The following IL32 variants were observed in gnomAD, a reference collection of about 807,000 sequenced individuals.
IL32 encodes interleukin-32.
A neutral mutation model predicts 16.6 loss-of-function variants in IL32; 30 were observed. That is an observed-to-expected ratio of 1.81 (90% CI 1.35 to 2.45). The LOEUF (loss-of-function observed/expected upper bound fraction) is 2.45, where lower values mean the gene tolerates loss of function less well. Among genes scored for constraint, IL32 ranks in the 30% most tolerant of loss-of-function variants. IL32 has a pLI of 0.00. For synonymous variants in IL32, 70 were observed against 86.1 expected, an observed-to-expected ratio of 0.81 and a Z score of 1.03; for missense variants, 234 against 229.8, an observed-to-expected ratio of 1.02 and a Z score of -0.12.
At position 3,068,875 on chromosome 16, in the gene IL32, C is replaced by T. The variant is rs1335212654; in HGVS notation, c.202-115C>T. On this transcript the variant is annotated intron_variant, in intron 6 of 6. Coordinates refer to ENST00000525643, the MANE Select transcript of IL32 (RefSeq NM_001376923.1). ...CACGGGGCTGTGGTTGGGAAACCAA[C>T]ACCTGTGGGCCTCCGTCTCCCAGGG... 7 of 1,520,288 alleles carry T rather than the reference C, an allele frequency of 4.6e-6. No individual in the cohort carries two copies. In the Admixed American group the frequency reaches 6.5e-5, roughly 14 times the overall value. 94.2% of individuals were successfully genotyped at this position (1,520,288 alleles called of 1,614,324 possible). A position where few individuals can be genotyped will look rare whatever the true frequency, so the allele number is the denominator to read the frequency against.
rs774367638 is a variant in IL32 at position 3,068,006 on chromosome 16, T to G, written c.137T>G (p.Leu46Arg). 8.1e-6 allele frequency: 13 copies of G among 1,613,970 alleles called. No individual in the cohort carries two copies. In the Admixed American group the frequency reaches 1.5e-4, roughly 19 times the overall value. ...RGQVMSSLAE[L>R]EDDFKEGYLE... ...CAGGTGATGTCGAGCCTGGCAGAGCTGGAGGTGAGCCGTGGCCTCCCCCTC... is the reference window on the plus strand; with the variant it reads ...CAGGTGATGTCGAGCCTGGCAGAGCGGGAGGTGAGCCGTGGCCTCCCCCTC... Residue 46 changes from leucine (L) to arginine (R), a missense_variant, in exon 5 of 7, where the codon CTG (leucine) becomes CGG (arginine). Transcript: ENST00000525643.
intron 2 of IL32, among the ~76,000 whole-genome samples, chr16:3,066,389 C>A (rs1194685642): frequency 1.3e-5 from 2 of 152,230 alleles, no homozygotes; most frequent in Non-Finnish European, 2.9e-5. Context: ...CTGCTTTCAC[C>A]CTGGTTCCTG....
intron 3 of IL32, 53 bp downstream of exon 3, chr16:3,067,468 G>A (rs1349098419): frequency 1.2e-6 from 2 of 1,613,682 alleles, no homozygotes; most frequent in Middle Eastern, 1.7e-4. Flanking sequence ...GTCTCAGCGT[G>A]TGACACTGAG....
Position 3,068,874 on chromosome 16 carries a change from A to G in IL32, c.202-116A>G. On this transcript the variant is annotated intron_variant, in intron 6 of 6. Transcript: ENST00000525643. ...CCACGGGGCTGTGGTTGGGAAACCA[A>G]CACCTGTGGGCCTCCGTCTCCCAGG... 3 of 1,519,146 alleles carry G rather than the reference A, an allele frequency of 2.0e-6. No individual in the cohort carries two copies. The South Asian group carries it at 3.9e-5, about 20-fold the overall frequency. 94.1% of individuals were successfully genotyped at this position (1,519,146 alleles called of 1,614,324 possible). A position where few individuals can be genotyped will look rare whatever the true frequency, so the allele number is the denominator to read the frequency against.
At chr16:3,066,457 C>T (rs1310368159) in intron 2 of IL32, among the ~76,000 whole-genome samples, 6 of 152,222 alleles carry the variant, frequency 3.9e-5, no homozygotes, top group South Asian at 4.1e-4. Context: ...GACAGCTGCC[C>T]TGCCCAGAAT....
intron 6 of IL32, chr16:3,068,610 C>A: frequency 9.7e-6 from 4 of 410,982 alleles, no homozygotes; most frequent in Admixed American, 7.5e-5. Flanking sequence ...CGGGCCCAGC[C>A]AACCCCTGCC....
intron 2 of IL32, 120 bp from the exon 3 acceptor site, chr16:3,067,257 T>C (rs989512059): frequency 1.7e-6 from 1 of 592,244 alleles, no homozygotes; most frequent in African/African-American, 2.0e-5. Context: ...ATCCTGTACC[T>C]CTGCCATGTG....
In IL32 at chr16:3,068,060, T is replaced by C. The variant is rs780777557; in HGVS notation, c.141+50T>C. 2.5e-6 allele frequency: 4 copies of C among 1,610,748 alleles called. No individual in the cohort carries two copies. The South Asian group carries it at 4.4e-5, about 18-fold the overall frequency. On this transcript the variant is annotated intron_variant, in intron 5 of 6. Transcript: ENST00000525643. ...CAAGCTTAGTCCCTGGGTCTTAGGC[T>C]CCACAGGACACTGGGTCTGGGCCCC...
Position 3,066,261 on chromosome 16 carries a change from C to T in IL32, c.15+435C>T, listed in dbSNP as rs558019977. On this transcript the variant is annotated intron_variant, in intron 2 of 6. Transcript: ENST00000525643. ...ACTGCCCCACCGCAAATGCTAGGCC[C>T]ACCACACCCTCCAGGGAGCTCTTCG... Among the ~76,000 whole-genome samples the T allele has an allele frequency of 8.9e-4, 136 of 152,296 alleles. 2 individuals carry two copies. The South Asian group carries it at 0.026, about 29-fold the overall frequency.
At chr16:3,068,618 G>T (rs1352188994) in intron 6 of IL32, 2 of 414,108 alleles carry the variant, frequency 4.8e-6, no homozygotes, top group African/African-American at 4.1e-5. Context: ...GCCAACCCCT[G>T]CCCTGTCTTG....
chr16:3,065,856 G>C (rs761790625), intron 2 of IL32, 30 bp downstream of exon 2: 14 of 1,613,840 alleles, frequency 8.7e-6, no homozygotes, highest in African/African-American at 1.3e-5. Flanking sequence ...TGCTTTTGTG[G>C]GCATGTCTGA....
chr16:3,068,615 C>G (rs1001669597), intron 6 of IL32: 2 of 413,570 alleles, frequency 4.8e-6, no homozygotes, highest in Admixed American at 7.4e-5. Flanking sequence ...CCAGCCAACC[C>G]CTGCCCTGTC....
rs1956715061 is a variant in IL32 at position 3,068,702 on chromosome 16, C to A, written c.202-288C>A. ...CTGGGAGTGACAGCCTAGCTGGGAC[C>A]TGCCCATGGCCTCACTCCTCACACA... On this transcript the variant is annotated intron_variant, in intron 6 of 6. Transcript: ENST00000525643. The A allele has an allele frequency of 6.2e-6, 3 of 483,660 alleles. No individual in the cohort carries two copies. The South Asian group carries it at 6.4e-5, about 10-fold the overall frequency. 30.0% of individuals were successfully genotyped at this position (483,660 alleles called of 1,614,324 possible).
chr16:3,065,753 TC>T, intron 1 of IL32, 30 bp from the exon 2 acceptor site: 1 of 1,612,232 alleles, frequency 6.2e-7, no homozygotes. Flanking sequence ...TGAGACACTT[TC>T]TTTTCCTCAC....
chr16:3,068,118 G>A (rs1353743502), intron 5 of IL32, 62 bp from the exon 6 acceptor site: 7 of 1,602,324 alleles, frequency 4.4e-6, no homozygotes, highest in Non-Finnish European at 6.0e-6. Context: ...GACCAGTGGG[G>A]GCCACAGTGG....
chr16:3,067,846 G>C (rs555092178), intron 4 of IL32, 138 bp from the exon 5 acceptor site: 5 of 1,029,966 alleles, frequency 4.9e-6, no homozygotes, highest in Non-Finnish European at 4.5e-6. Flanking sequence ...AACAACAGGG[G>C]TGCCAGACGT....
At position 3,067,113 on chromosome 16, in the gene IL32, C is replaced by T. The variant is rs953053240; in HGVS notation, c.16-264C>T. Among the ~76,000 whole-genome samples, 11 of 88,526 alleles carry T rather than the reference C, an allele frequency of 1.2e-4. 3 individuals carry two copies. The highest frequency in any genetic ancestry group is 4.3e-4 in the African/African-American group (11 of 25,412). 58.1% of individuals were successfully genotyped at this position (88,526 alleles called of 152,430 possible). A position where few individuals can be genotyped will look rare whatever the true frequency, so the allele number is the denominator to read the frequency against. On this transcript the variant is annotated intron_variant, in intron 2 of 6. Coordinates refer to ENST00000525643, the MANE Select transcript of IL32 (RefSeq NM_001376923.1). ...CTCTTGTGAGGAGGGGTCACCTAGG[C>T]CCATGCTGGCCCTGCTCTTGGGCCT...
chr16:3,068,551 T>C (rs969153068), intron 6 of IL32: 1 of 427,432 alleles, frequency 2.3e-6, no homozygotes, highest in African/African-American at 2.0e-5. Context: ...AACCTTGTGT[T>C]CCGTCTGCCT....
chr16:3,067,241 C>T (rs1596247506), intron 2 of IL32, 136 bp from the exon 3 acceptor site: 2 of 643,354 alleles, frequency 3.1e-6, no homozygotes, highest in African/African-American at 1.8e-5. Flanking sequence ...ACTGCTGTCT[C>T]CTCTTATCCT....
Sources: gnomAD v4.1 joint callset for allele counts (sites outside exome capture counted in the v4.1 genomes callset) on GRCh38, gnomAD v4.1.1 for gene constraint, MANE v1.5 for transcripts, NCBI Gene and HGNC (gene_info 2026-07-23, HGNC 2026-07-21) for gene names.